DAB1: variants seen among roughly 807,000 people sequenced by gnomAD.
DAB1 encodes DAB adaptor protein 1.
A neutral mutation model predicts 64.6 loss-of-function variants in DAB1; 15 were observed. The ratio of observed to expected loss-of-function variants is 0.23; its 90% CI spans 0.16 to 0.36. The LOEUF (loss-of-function observed/expected upper bound fraction) is 0.36. Among genes scored for constraint, DAB1 ranks in the 10% least tolerant of loss-of-function variants. DAB1 has a pLI of 1.00. For missense variants in DAB1, 596 were observed against 706.7 expected (o/e 0.84, Z 1.78); for synonymous variants, 235 against 251.9 (o/e 0.93, Z 0.64).
chr1:58,043,642 G>T (rs1260221028), intron 5 of DAB1, among the ~76,000 whole-genome samples: 1 of 152,124 alleles, frequency 6.6e-6, no homozygotes, highest in Non-Finnish European at 1.5e-5. Flanking sequence ...TTAATGTCTG[G>T]ATTTTCTTTT....
At chr1:57,707,541 A>T (rs992990755) in intron 6 of DAB1, among the ~76,000 whole-genome samples, 3 of 152,190 alleles carry the variant, frequency 2.0e-5, no homozygotes, top group African/African-American at 7.2e-5. Context: ...ATGAATGCCC[A>T]GGAGTGTGAT....
upstream of DAB1, among the ~76,000 whole-genome samples, chr1:57,888,532 C>A (rs1157558382): frequency 2.0e-5 from 3 of 152,110 alleles, no homozygotes; most frequent in East Asian, 3.9e-4. Context: ...TTAGAAGACA[C>A]AATTTTTGGC....
At chr1:58,104,310 GGT>G (rs1423386615) in intron 5 of DAB1, among the ~76,000 whole-genome samples, 1 of 152,232 alleles carries the variant, frequency 6.6e-6, no homozygotes, top group Non-Finnish European at 1.5e-5. Context: ...GGAGGATTAA[GGT>G]GGAAATGGGG....
At chr1:57,863,479 C>A (rs1051778734) in intron 1 of DAB1, among the ~76,000 whole-genome samples, 17 of 152,138 alleles carry the variant, frequency 1.1e-4, no homozygotes, top group Admixed American at 1.1e-3. Context: ...GAAAAGTGAT[C>A]ATATAACAAG....
chr1:58,001,581 C>A (rs1039029379), intron 5 of DAB1, among the ~76,000 whole-genome samples: 2 of 152,138 alleles, frequency 1.3e-5, no homozygotes, highest in African/African-American at 4.8e-5. Flanking sequence ...TTTTCTGAAC[C>A]ACACATCTCC....
intron 7 of DAB1, among the ~76,000 whole-genome samples, chr1:57,580,378 C>G (rs373496671): frequency 6.6e-6 from 1 of 152,082 alleles, no homozygotes; most frequent in Non-Finnish European, 1.5e-5. Flanking sequence ...TCTGGCCAAC[C>G]GACTGTGACA....
chr1:58,222,372 G>C (rs1300944359), intron 4 of DAB1, among the ~76,000 whole-genome samples: 1 of 152,062 alleles, frequency 6.6e-6, no homozygotes, highest in African/African-American at 2.4e-5. Context: ...CCCTACAGAT[G>C]GATGTTCATT....
chr1:57,680,745 T>C (rs116639661), intron 6 of DAB1, among the ~76,000 whole-genome samples: 189 of 152,334 alleles, frequency 1.2e-3, no homozygotes, highest in African/African-American at 4.4e-3. Context: ...TTGCCATGTG[T>C]CTTAGTCCAA....
At chr1:58,007,116 CTTTCT>C (rs1646596243) in intron 5 of DAB1, among the ~76,000 whole-genome samples, 1 of 152,154 alleles carries the variant, frequency 6.6e-6, no homozygotes, top group Non-Finnish European at 1.5e-5. Flanking sequence ...AATTCAAGCG[CTTTCT>C]TTTATCAGGG....
chr1:58,259,601 T>C (rs1661005374), intron 4 of DAB1, among the ~76,000 whole-genome samples: 1 of 152,194 alleles, frequency 6.6e-6, no homozygotes, highest in South Asian at 2.1e-4. Context: ...GTCTCACTTA[T>C]CTCTGTACAG....
At chr1:57,262,421 G>A (rs1670250091) in intron 2 of DAB1, among the ~76,000 whole-genome samples, 1 of 152,136 alleles carries the variant, frequency 6.6e-6, no homozygotes. Flanking sequence ...GAACTTCAGG[G>A]CCTAAGGCCT....
chr1:58,541,556 G>A (rs1312902584), intron 1 of DAB1: 1 of 126,252 alleles, frequency 7.9e-6, no homozygotes, highest in Non-Finnish European at 1.6e-5. Flanking sequence ...GCAAGAGACT[G>A]CAGTGAGCCA....
chr1:57,028,801 A>C (rs904459918), intron 9 of DAB1, among the ~76,000 whole-genome samples: 1 of 152,180 alleles, frequency 6.6e-6, no homozygotes, highest in African/African-American at 2.4e-5. Context: ...GGTATCTGGC[A>C]GAAGAAATTT....
At chr1:57,014,659 C>T (rs1431625399) in intron 12 of DAB1, among the ~76,000 whole-genome samples, 1 of 152,132 alleles carries the variant, frequency 6.6e-6, no homozygotes, top group African/African-American at 2.4e-5. Flanking sequence ...TATCATTAAG[C>T]ATTATTATAA....
intron 7 of DAB1, among the ~76,000 whole-genome samples, chr1:57,070,364 CT>C (rs1417158357): frequency 6.6e-6 from 1 of 152,128 alleles, no homozygotes; most frequent in East Asian, 1.9e-4. Context: ...TGTCTTTTCC[CT>C]TTTTTTCTGC....
intron 2 of DAB1, among the ~76,000 whole-genome samples, chr1:57,279,974 T>C (rs578018252): frequency 1.3e-5 from 2 of 152,316 alleles, no homozygotes; most frequent in Non-Finnish European, 2.9e-5. Context: ...TAGGAGGACA[T>C]CTTTCAGTGC....
intron 7 of DAB1, among the ~76,000 whole-genome samples, chr1:57,640,492 C>T (rs12086627): frequency 0.026 from 4,023 of 152,134 alleles, 175 homozygotes; most frequent in African/African-American, 0.087. Context: ...ACACAAGAAA[C>T]CAAGCCCACA....
At chr1:57,235,006 A>G (rs1667989016) in intron 2 of DAB1, among the ~76,000 whole-genome samples, 1 of 152,216 alleles carries the variant, frequency 6.6e-6, no homozygotes, top group Non-Finnish European at 1.5e-5. Flanking sequence ...TGATTAGATT[A>G]AGACCACCTG....
intron 2 of DAB1, among the ~76,000 whole-genome samples, chr1:57,164,434 C>T (rs1344928774): frequency 6.6e-6 from 1 of 152,050 alleles, no homozygotes; most frequent in Non-Finnish European, 1.5e-5. Context: ...ATTGAACCAC[C>T]AGCTGACCCT....
Sources: allele counts gnomAD v4.1 joint callset (sites outside exome capture counted in the v4.1 genomes callset), GRCh38; gene constraint gnomAD v4.1.1; transcripts MANE v1.5; gene names NCBI Gene and HGNC (gene_info 2026-07-23, HGNC 2026-07-21).